Variants in TNC observed in about 807,000 individuals in gnomAD.
The protein encoded by TNC is tenascin.
TNC carries 109 observed loss-of-function variants against 202.4 expected under a neutral mutation model. The ratio of observed to expected loss-of-function variants is 0.54; its 90% confidence interval spans 0.46 to 0.63. The LOEUF (loss-of-function observed/expected upper bound fraction) is 0.63, where lower values mean the gene tolerates loss of function less well. TNC is among the 30% of genes least tolerant of loss of function. The probability of loss-of-function intolerance (pLI) is 0.00; values close to 1 mark genes in which losing one functional copy is unlikely to be tolerated. For synonymous variants in TNC, 1,007 were observed against 1,089.7 expected (o/e 0.92, Z 1.50); for missense variants, 2,756 against 2,833.3 (o/e 0.97, Z 0.62).
rs80285829 is a variant in TNC, at chr9:115,112,433, A to G, written c.-137+5549T>C. 5.0e-3 allele frequency among the ~76,000 whole-genome samples: 761 copies of G among 152,292 alleles called. 6 individuals carry two copies. Among genetic ancestry groups the G allele is most frequent in the African/African-American group, 0.017 (721 of 41,564 alleles). On this transcript the variant is annotated intron_variant, in intron 1 of 27. Transcript: ENST00000350763. ...AGATAAGTGGAGGGGCTTTCATTGA[A>G]ATAAGGTTGAGGGGAATCCCCTGCT...
rs375831050 is a variant in TNC at position 115,087,846 on chromosome 9, C to T, written c.458-573G>A. Among the ~76,000 whole-genome samples, 41 of 151,926 alleles carry T rather than the reference C, an allele frequency of 2.7e-4. 1 individual carries two copies. Among genetic ancestry groups the T allele is most frequent in the African/African-American group, 9.4e-4 (39 of 41,454 alleles). ...CCTCCTGAGTAGCTGGGACTCCAGG[C>T]GCCCGCCACCATGCCCGGCTAATTT... On this transcript the variant is annotated intron_variant, in intron 2 of 27. Transcript: ENST00000350763.
rs1172442388 is a variant in TNC at position 115,035,326 on chromosome 9, A to C, written c.5665T>G (p.Ser1889Ala). 6.2e-7 allele frequency: 1 copy of C among 1,610,914 alleles called. No homozygotes were observed. Among genetic ancestry groups the C allele is most frequent in the East Asian group, 2.2e-5 (1 of 44,662 alleles). Residue 1889 changes from serine (S) to alanine (A), a missense_variant, in exon 22 of 28, where the codon TCT (serine) becomes GCT (alanine). Around this residue, in one of 2 missense-constraint regions of TNC, gnomAD observed 2,559 missense variants for 2,546.0 expected, o/e 1.01. Transcript: ENST00000350763. ...ITAKFTTDLD[S>A]PRDLTATEVQ... The stretch of plus-strand genomic sequence containing the variant: ...TCAGTAGCAGTCAAGTCTCTTGGAG[A>C]ATCGAGGTCTGGAGAAGACAGGATG...
In TNC at chr9:115,086,327, C is replaced by G. The variant is rs375330272; in HGVS notation, c.1404G>C (p.Met468Ile). ...GCTGGTGACAGTCATTAGGGCAGCT[C>G]ATGTCACTGCAGTCATAGCCCTTGA... Reference protein sequence around the residue: ...QGFKGYDCSDMSCPNDCHQHG... With the variant: ...QGFKGYDCSDISCPNDCHQHG... Residue 468 changes from methionine (M) to isoleucine (I), a missense_variant, in exon 3 of 28, where the codon ATG becomes ATC. Transcript: ENST00000350763. 48 of 1,613,974 alleles carry G rather than the reference C, an allele frequency of 3.0e-5. No homozygotes were observed. Among genetic ancestry groups the G allele is most frequent in the Non-Finnish European group, 4.0e-5 (47 of 1,180,024 alleles).
chr9:115,023,955 C>A lies in TNC; in HGVS notation c.6495+18G>T. 1 of 1,610,046 alleles carries A rather than the reference C, an allele frequency of 6.2e-7. No individual in the cohort carries two copies. The highest frequency in any genetic ancestry group is 8.5e-7 in the Non-Finnish European group (1 of 1,176,760). On this transcript the variant is annotated intron_variant, in intron 27 of 27. Transcript: ENST00000350763. ...CTTCCCAAGCTTGGCCTGCTCTGGG[C>A]CCTCACGGTCCACTCACCTGACTGT...
chr9:115,074,169 A>C (rs547567762), intron 9 of TNC, among the ~76,000 whole-genome samples: 3 of 152,212 alleles, frequency 2.0e-5, no homozygotes, highest in Admixed American at 2.0e-4. Flanking sequence ...TAAAAGAAGC[A>C]ATTTAGATGA....
chr9:115,084,562 C>A, intron 3 of TNC, 90 bp from the exon 4 acceptor site: 1 of 1,457,722 alleles, frequency 6.9e-7, no homozygotes, highest in Non-Finnish European at 9.3e-7. Flanking sequence ...CCACTGTCAG[C>A]CACAGAGGTC....
rs766438089 is a variant in TNC at position 115,042,238 on chromosome 9, G to A, written c.5229C>T (p.Thr1743=). The A allele has an allele frequency of 2.0e-5, 32 of 1,613,968 alleles. No homozygotes were observed. Among genetic ancestry groups the A allele is most frequent in the African/African-American group, 1.3e-5 (1 of 74,918 alleles). ...PTAQVESFRI[T]YVPITGGTPS... ...TCCTACCTCCTGTAATGGGCACATA[G>A]GTAATCCGGAAGCTCTCCACTTGGG... Residue 1743 remains threonine (T), a synonymous_variant, in exon 18 of 28, where the codon ACC becomes ACT. Transcript: ENST00000350763.
chr9:115,094,467 TAA>T (rs989593273), intron 1 of TNC, among the ~76,000 whole-genome samples: 1 of 152,248 alleles, frequency 6.6e-6, no homozygotes, highest in Non-Finnish European at 1.5e-5. Flanking sequence ...CTGGCTGTTT[TAA>T]GTCTCCTTTG....
At chr9:115,076,159 A>T in intron 8 of TNC, 38 bp from the exon 9 acceptor site, 1 of 1,592,242 alleles carries the variant, frequency 6.3e-7, no homozygotes, top group Non-Finnish European at 8.6e-7. Flanking sequence ...TCATCCTGAA[A>T]TCAGAGAGAC....
chr9:115,088,934 TTAAA>T (rs1444096490), intron 2 of TNC, among the ~76,000 whole-genome samples: 1 of 152,178 alleles, frequency 6.6e-6, no homozygotes, highest in Non-Finnish European at 1.5e-5. Flanking sequence ...CTCTGTTGAA[TTAAA>T]TAAGAGATGA....
intron 27 of TNC, 91 bp from the exon 28 acceptor site, chr9:115,021,358 T>C: frequency 1.2e-6 from 1 of 848,256 alleles, no homozygotes; most frequent in Non-Finnish European, 1.9e-6. Context: ...TCATTGCTAT[T>C]TAGTCATTCA....
In TNC at chr9:115,076,573, G is replaced by C; in HGVS notation, c.2677C>G (p.Leu893Val). ...NPAKETFTTG[L>V]DAPRNLRRVS... is the part of the protein sequence containing the mutation. ...CGTCGAAGATTCCTGGGAGCATCGA[G>C]GCCTGTTTGAGAGAAGGAACATTTG... The change falls in exon 8 of 28, where the codon CTC becomes GTC. Residue 893 changes from leucine to valine, a missense_variant and splice_region_variant. Physicochemically the swap from Leu to Val is conservative, Grantham distance 32 (BLOSUM62 1). Coordinates refer to ENST00000350763, the MANE Select transcript of TNC (RefSeq NM_002160.4). 6.2e-7 allele frequency: 1 copy of C among 1,614,104 alleles called. No homozygotes were observed. The highest frequency in any genetic ancestry group is 1.1e-5 in the South Asian group (1 of 91,052).
intron 1 of TNC, among the ~76,000 whole-genome samples, chr9:115,095,524 G>A (rs1256604841): frequency 1.4e-3 from 6 of 4,290 alleles, no homozygotes; most frequent in Admixed American, 4.4e-3. Context: ...GTATATATAT[G>A]TATATATATA....
At chr9:115,061,098 T>C (rs901814525) in intron 13 of TNC, among the ~76,000 whole-genome samples, 1 of 152,180 alleles carries the variant, frequency 6.6e-6, no homozygotes, top group Non-Finnish European at 1.5e-5. Flanking sequence ...TCTCAGCCAC[T>C]GTTTTGAAGG....
chr9:115,052,462 T>C (rs949845826), intron 15 of TNC, among the ~76,000 whole-genome samples: 1 of 146,134 alleles, frequency 6.8e-6, no homozygotes, highest in Non-Finnish European at 1.5e-5. Flanking sequence ...AGATTTTAAA[T>C]GTTCTCACAG....
At chr9:115,071,002 C>T (rs1472728340) in intron 10 of TNC, among the ~76,000 whole-genome samples, 1 of 152,174 alleles carries the variant, frequency 6.6e-6, no homozygotes, top group South Asian at 2.1e-4. Context: ...GTCTCCTGAG[C>T]ACTGGCTGCA....
intron 1 of TNC, among the ~76,000 whole-genome samples, chr9:115,114,570 T>C (rs1837317264): frequency 6.6e-6 from 1 of 152,146 alleles, no homozygotes; most frequent in South Asian, 2.1e-4. Context: ...CTGAGAACCA[T>C]GAAAAATGAT....
At chr9:115,061,459 C>T (rs1048038582) in intron 13 of TNC, among the ~76,000 whole-genome samples, 4 of 152,136 alleles carry the variant, frequency 2.6e-5, no homozygotes, top group Admixed American at 6.5e-5. Context: ...CAAAAGTTTG[C>T]GGACTACAGA....
At chr9:115,110,661 G>A (rs1357387605) in intron 1 of TNC, among the ~76,000 whole-genome samples, 1 of 152,100 alleles carries the variant, frequency 6.6e-6, no homozygotes, top group Non-Finnish European at 1.5e-5. Flanking sequence ...GATTGAGGGA[G>A]GAACAATGGA....
Sources: allele counts gnomAD v4.1 joint callset (sites outside exome capture counted in the v4.1 genomes callset), GRCh38; gene constraint gnomAD v4.1.1; regional missense constraint gnomAD v4.1.1; transcripts MANE v1.5; gene names NCBI Gene and HGNC (gene_info 2026-07-23, HGNC 2026-07-21).